The following PDZD2 variants were observed in gnomAD, a reference collection of about 807,000 sequenced individuals.
PDZD2 encodes PDZ domain-containing protein 2.
Under a neutral mutation model 220.7 loss-of-function variants are expected in PDZD2, and 90 were observed. The ratio of observed to expected loss-of-function variants is 0.41; its 90% CI spans 0.34 to 0.49. The LOEUF (loss-of-function observed/expected upper bound fraction) is 0.49, where lower values mean the gene tolerates loss of function less well. Ranked by LOEUF, PDZD2 falls within the 20% of genes least tolerant of loss-of-function variation. The pLI is 0.28. For synonymous variants in PDZD2, 1,375 were observed against 1,450.5 expected (o/e 0.95, Z 1.18); for missense variants, 3,174 against 3,608.5 (o/e 0.88, Z 3.08).
intron 1 of PDZD2, among the ~76,000 whole-genome samples, chr5:31,666,956 G>A (rs1245722569): frequency 6.6e-6 from 1 of 152,136 alleles, no homozygotes; most frequent in Non-Finnish European, 1.5e-5. Context: ...CTGTGTGCCA[G>A]CCAGGCGCGG....
chr5:31,843,036 C>T (rs1001831831), intron 2 of PDZD2, among the ~76,000 whole-genome samples: 6 of 151,890 alleles, frequency 4.0e-5, no homozygotes, highest in African/African-American at 1.5e-4. Flanking sequence ...CATGCACCAC[C>T]ACACCCGGCT....
chr5:31,729,099 C>CTTTTTTTTTTT (rs10650811), intron 1 of PDZD2, among the ~76,000 whole-genome samples: 1 of 123,652 alleles, frequency 8.1e-6, no homozygotes, highest in African/African-American at 3.1e-5. Context: ...TGATCGAAAT[C>CTTTTTTTTTTT]TTTTTTTTTT....
intron 1 of PDZD2, among the ~76,000 whole-genome samples, chr5:31,735,773 C>T (rs1275611577): frequency 6.6e-6 from 1 of 152,046 alleles, no homozygotes; most frequent in East Asian, 1.9e-4. Flanking sequence ...GGTGAAACCC[C>T]GTCTCTACTA....
At chr5:31,789,671 A>AT (rs1463820317) in intron 1 of PDZD2, among the ~76,000 whole-genome samples, 1 of 152,220 alleles carries the variant, frequency 6.6e-6, no homozygotes, top group Non-Finnish European at 1.5e-5. Context: ...GCTCATGCCT[A>AT]TAACGCCAGC....
At chr5:31,916,485 G>A (rs1014418060) in intron 2 of PDZD2, among the ~76,000 whole-genome samples, 5 of 152,210 alleles carry the variant, frequency 3.3e-5, no homozygotes, top group South Asian at 2.1e-4. Context: ...CCTCATACCC[G>A]GAGCGCTGGC....
intron 6 of PDZD2, among the ~76,000 whole-genome samples, chr5:32,030,775 A>G (rs1291657666): frequency 6.6e-6 from 1 of 152,162 alleles, no homozygotes; most frequent in Non-Finnish European, 1.5e-5. Context: ...ATGTTCTCCT[A>G]TCAGGCCAGC....
chr5:32,057,816 T>A, intron 11 of PDZD2, 62 bp from the exon 12 acceptor site: 2 of 1,405,844 alleles, frequency 1.4e-6, no homozygotes, highest in Non-Finnish European at 2.0e-6. Flanking sequence ...TTTTTTTTTT[T>A]AACCCTTTGA....
intron 1 of PDZD2, among the ~76,000 whole-genome samples, chr5:31,718,922 C>T (rs1381035338): frequency 6.6e-6 from 1 of 151,968 alleles, no homozygotes; most frequent in East Asian, 1.9e-4. Context: ...GGATGGTCTC[C>T]ATCTCCTGAC....
At chr5:31,992,446 T>C (rs1298115090) in intron 3 of PDZD2, among the ~76,000 whole-genome samples, 1 of 152,150 alleles carries the variant, frequency 6.6e-6, no homozygotes, top group Non-Finnish European at 1.5e-5. Flanking sequence ...AGTATATATA[T>C]ATATACATTT....
chr5:31,779,816 C>T (rs905553174), intron 1 of PDZD2, among the ~76,000 whole-genome samples: 2 of 152,098 alleles, frequency 1.3e-5, no homozygotes, highest in Non-Finnish European at 2.9e-5. Context: ...TGCCTGTTCT[C>T]ATCTCCTTGG....
chr5:32,015,852 A>G (rs1753746886), intron 6 of PDZD2, among the ~76,000 whole-genome samples: 1 of 152,182 alleles, frequency 6.6e-6, no homozygotes, highest in Non-Finnish European at 1.5e-5. Context: ...ATTTTTAACA[A>G]AGAAAAAAAA....
intron 7 of PDZD2, among the ~76,000 whole-genome samples, chr5:32,042,288 A>G (rs1326488571): frequency 8.0e-6 from 1 of 125,342 alleles, no homozygotes; most frequent in African/African-American, 3.0e-5. Context: ...CTGGCCGGGC[A>G]TGGTGGCTCA....
intron 3 of PDZD2, among the ~76,000 whole-genome samples, chr5:31,988,444 G>GC (rs1439390841): frequency 6.8e-6 from 1 of 147,762 alleles, no homozygotes; most frequent in African/African-American, 2.5e-5. Context: ...ATGGGGGTGG[G>GC]GGGGGTGCAT....
At chr5:32,093,879 A>G (rs1743409684) in intron 21 of PDZD2, among the ~76,000 whole-genome samples, 1 of 152,150 alleles carries the variant, frequency 6.6e-6, no homozygotes, top group Non-Finnish European at 1.5e-5. Flanking sequence ...TCAGGAGGCT[A>G]AGGCGAGAGG....
chr5:31,800,861 C>T (rs1754352418), intron 2 of PDZD2, among the ~76,000 whole-genome samples: 1 of 152,134 alleles, frequency 6.6e-6, no homozygotes, highest in African/African-American at 2.4e-5. Context: ...GAGAAGGCCA[C>T]CTTGAGAAAC....
intron 5 of PDZD2, among the ~76,000 whole-genome samples, chr5:32,005,753 A>G (rs1234127501): frequency 6.6e-6 from 1 of 152,156 alleles, no homozygotes; most frequent in Non-Finnish European, 1.5e-5. Context: ...TAAAAGCTGC[A>G]TGTCCTGGCC....
chr5:32,008,687 G>A (rs780243639), intron 5 of PDZD2, among the ~76,000 whole-genome samples: 5 of 152,326 alleles, frequency 3.3e-5, no homozygotes, highest in South Asian at 2.1e-4. Context: ...TGGGGACACA[G>A]CAGTGAATGG....
intron 3 of PDZD2, among the ~76,000 whole-genome samples, chr5:31,992,447 A>G (rs1751293716): frequency 6.6e-6 from 1 of 152,094 alleles, no homozygotes; most frequent in South Asian, 2.1e-4. Context: ...GTATATATAT[A>G]TATACATTTG....
chr5:31,710,968 GA>G (rs1208959763), intron 1 of PDZD2, among the ~76,000 whole-genome samples: 1 of 152,116 alleles, frequency 6.6e-6, no homozygotes, highest in Non-Finnish European at 1.5e-5. Context: ...GTTGTAAAAA[GA>G]AAAAAGACAC....
Sources: allele counts gnomAD v4.1 joint callset (sites outside exome capture counted in the v4.1 genomes callset), GRCh38; gene constraint gnomAD v4.1.1; transcripts MANE v1.5; gene names NCBI Gene and HGNC (gene_info 2026-07-23, HGNC 2026-07-21).